RABGAP1: variants seen among roughly 807,000 people sequenced by gnomAD.
The protein encoded by RABGAP1 is rab GTPase-activating protein 1.
A neutral mutation model predicts 137.6 loss-of-function variants in RABGAP1; 23 were observed. The observed-to-expected ratio is 0.17, with a 90% CI of 0.12 to 0.24. The LOEUF is 0.24. RABGAP1 is among the 10% of genes least tolerant of loss of function. The pLI is 1.00. For missense variants in RABGAP1, 906 were observed against 1,275.8 expected, an observed-to-expected ratio of 0.71 and a Z score of 4.42; for synonymous variants, 451 against 450.7, an observed-to-expected ratio of 1.00 and a Z score of -0.01.
At chr9:122,961,456 A>G (rs1423749435) in intron 2 of RABGAP1, among the ~76,000 whole-genome samples, 1 of 152,234 alleles carries the variant, frequency 6.6e-6, no homozygotes, top group Non-Finnish European at 1.5e-5. Context: ...GGTTCCTTGA[A>G]GTAAAGGCAT....
At chr9:123,034,410 A>G (rs1209766021) in intron 13 of RABGAP1, 10 of 620,398 alleles carry the variant, frequency 1.6e-5, no homozygotes, top group East Asian at 8.0e-5. Flanking sequence ...ACTGCAGGCA[A>G]TGCACCAGAG....
Position 123,027,203 on chromosome 9 carries a change from G to A in RABGAP1, c.1794+6744G>A, listed in dbSNP as rs183649208. The stretch of plus-strand genomic sequence containing the variant: ...ACGATCTTGGCTCACTGGAACTTCC[G>A]CCTCCCAGGTTCAGTGATTCTCCTG... On this transcript the variant is annotated intron_variant, in intron 13 of 25. Coordinates refer to ENST00000373647, the MANE Select transcript of RABGAP1 (RefSeq NM_012197.4). Among the ~76,000 whole-genome samples, 240 of 145,974 alleles carry A rather than the reference G, an allele frequency of 1.6e-3. 3 individuals are homozygous for A. Among genetic ancestry groups the A allele is most frequent in the Admixed American group, 0.015 (205 of 14,042 alleles).
intron 20 of RABGAP1, 61 bp downstream of exon 20, chr9:123,089,911 C>A (rs956345963): frequency 4.3e-6 from 6 of 1,398,646 alleles, no homozygotes; most frequent in Non-Finnish European, 6.0e-6. Context: ...TATGATTGCG[C>A]CTGTAACTAG....
chr9:122,986,326 A>G lies in RABGAP1; in HGVS notation c.497A>G (p.Glu166Gly), dbSNP rs752023665. ...ASVNAPRSEV[E>G]ALRMMSILRS... ...GTAAATGCTCCCAGGAGTGAAGTGG[A>G]AGCCTTAAGGATGATGTCCATCTTA... The change falls in exon 4 of 26, where the codon GAA becomes GGA. Residue 166 changes from glutamate to glycine, a missense_variant. Coordinates refer to ENST00000373647, the MANE Select transcript of RABGAP1 (RefSeq NM_012197.4). The G allele has an allele frequency of 6.2e-7, 1 of 1,614,144 alleles. No homozygotes were observed. The highest frequency in any genetic ancestry group is 8.5e-7 in the Non-Finnish European group (1 of 1,179,986).
chr9:122,995,566 A>ATTTT (rs34683455), intron 6 of RABGAP1, among the ~76,000 whole-genome samples: 1,684 of 118,400 alleles, frequency 0.014, 83 homozygotes, highest in Middle Eastern at 0.022. Flanking sequence ...ATATCAAATG[A>ATTTT]TTTTTTTTTT....
At chr9:122,936,249 T>A (rs1266303735), upstream of RABGAP1, among the ~76,000 whole-genome samples, 2 of 152,176 alleles carry the variant, frequency 1.3e-5, no homozygotes, top group East Asian at 3.8e-4. Context: ...CTCCCACAAT[T>A]CATTATGTTT....
At chr9:123,004,570 A>G (rs1020265367) in intron 10 of RABGAP1, among the ~76,000 whole-genome samples, 3 of 152,186 alleles carry the variant, frequency 2.0e-5, no homozygotes, top group African/African-American at 7.2e-5. Flanking sequence ...GGCATGAGCC[A>G]CTATGCCCAG....
intron 2 of RABGAP1, among the ~76,000 whole-genome samples, chr9:122,961,502 G>C (rs986497631): frequency 6.6e-6 from 1 of 152,202 alleles, no homozygotes; most frequent in Non-Finnish European, 1.5e-5. Context: ...GCTGTTGGCA[G>C]ACCCACTTTA....
chr9:123,049,221 G>C (rs2033351291), intron 13 of RABGAP1, among the ~76,000 whole-genome samples: 1 of 152,128 alleles, frequency 6.6e-6, no homozygotes, highest in African/African-American at 2.4e-5. Flanking sequence ...AACATTTCTA[G>C]AGCCAGCTTA....
intron 2 of RABGAP1, among the ~76,000 whole-genome samples, chr9:122,966,960 C>G (rs1306359064): frequency 6.6e-6 from 1 of 152,164 alleles, no homozygotes. Context: ...TGGGAAAGAC[C>G]TGCCTCCATG....
intron 1 of RABGAP1, 22 bp downstream of exon 1, chr9:122,941,115 TCCTCCTCCCAC>T (rs1419617577): frequency 6.6e-6 from 1 of 152,272 alleles, no homozygotes; most frequent in African/African-American, 2.4e-5. Flanking sequence ...TTTCCCCTCC[TCCTCCTCCCAC>T]CCTCCTACCT....
In RABGAP1 at chr9:123,103,284, G is replaced by C; in HGVS notation, c.*71G>C. Reference sequence around the variant, plus strand: ...TGTTGCCTTCTTTGGCCAGATGTGTGATTCTGTGACTTGTCCCAGGACCAG... The same window carrying C: ...TGTTGCCTTCTTTGGCCAGATGTGTCATTCTGTGACTTGTCCCAGGACCAG... On this transcript the variant is annotated 3_prime_UTR_variant, in exon 26 of 26. Transcript: ENST00000373647. The C allele has an allele frequency of 6.3e-7, 1 of 1,589,330 alleles. No homozygotes were observed. The highest frequency in any genetic ancestry group is 8.6e-7 in the Non-Finnish European group (1 of 1,168,188).
intron 13 of RABGAP1, 136 bp downstream of exon 13, chr9:123,020,595 C>A: frequency 1.0e-6 from 1 of 960,360 alleles, no homozygotes; most frequent in Non-Finnish European, 1.4e-6. Flanking sequence ...ACTTCCAGCT[C>A]TAACATGTTT....
At position 122,972,978 on chromosome 9, in the gene RABGAP1, T is replaced by TAAAA. The variant is rs10686868; in HGVS notation, c.151-11498_151-11495dup. On this transcript the variant is annotated intron_variant, in intron 2 of 25. Coordinates refer to ENST00000373647, the MANE Select transcript of RABGAP1 (RefSeq NM_012197.4). ...AGTGAGAGCCTATCTCTTTATATAT[T>TAAAA]AAAAAAAAAAAATACATAGAGGTAT... 2.2e-3 allele frequency among the ~76,000 whole-genome samples: 326 copies of TAAAA among 145,110 alleles called. 1 individual carries two copies. Among genetic ancestry groups the TAAAA allele is most frequent in the East Asian group, 0.02 (101 of 4,964 alleles).
chr9:122,956,354 C>T (rs769299026), intron 1 of RABGAP1, among the ~76,000 whole-genome samples: 1 of 151,532 alleles, frequency 6.6e-6, no homozygotes, highest in Admixed American at 6.6e-5. Flanking sequence ...ATTGTGCCCT[C>T]ACAATAACTA....
chr9:123,035,436 C>G, intron 13 of RABGAP1: 1 of 1,614,182 alleles, frequency 6.2e-7, no homozygotes, highest in Non-Finnish European at 8.5e-7. Flanking sequence ...TCTTGACCAC[C>G]TGGCTTGCTA....
intron 1 of RABGAP1, among the ~76,000 whole-genome samples, chr9:122,952,289 C>T (rs1343833279): frequency 1.3e-5 from 2 of 151,774 alleles, no homozygotes; most frequent in East Asian, 1.9e-4. Context: ...GACAGAGTCT[C>T]GCTCTGTCGC....
At chr9:122,996,906 G>A (rs1045781852) in intron 8 of RABGAP1, 23 of 467,798 alleles carry the variant, frequency 4.9e-5, no homozygotes, top group South Asian at 1.9e-4. Flanking sequence ...ATAGACTGTC[G>A]TGTATCTTAC....
At chr9:123,056,239 C>G (rs138040980) in intron 13 of RABGAP1, among the ~76,000 whole-genome samples, 1 of 152,320 alleles carries the variant, frequency 6.6e-6, no homozygotes, top group Non-Finnish European at 1.5e-5. Flanking sequence ...GACAGCAAAT[C>G]ATGTATTGCA....
Sources: allele counts gnomAD v4.1 joint callset (sites outside exome capture counted in the v4.1 genomes callset), GRCh38; gene constraint gnomAD v4.1.1; transcripts MANE v1.5; gene names NCBI Gene and HGNC (gene_info 2026-07-23, HGNC 2026-07-21).